Variants in UBE3C observed in about 807,000 individuals in gnomAD.
UBE3C encodes ubiquitin-protein ligase E3C.
UBE3C carries 42 observed loss-of-function variants against 129.4 expected under a neutral mutation model. The ratio of observed to expected loss-of-function variants is 0.32; its 90% CI spans 0.25 to 0.42. UBE3C has a LOEUF of 0.42. Ranked by LOEUF, UBE3C falls within the 10% of genes least tolerant of loss-of-function variation. UBE3C has a pLI of 1.00. For synonymous variants in UBE3C, 510 were observed against 492.4 expected, an observed-to-expected ratio of 1.04 and a Z score of -0.47; for missense variants, 1,049 against 1,319.1, an observed-to-expected ratio of 0.80 and a Z score of 3.17.
rs1211909558 is a variant in UBE3C at position 157,183,997 on chromosome 7, G to A, written c.1111G>A (p.Glu371Lys). The stretch of plus-strand genomic sequence containing the variant: ...CGACTCAGCCAGTGACTCTGAGGAG[G>A]AGAGTGAAGAAGCCGACAAGCCCTC... ...CHDSASDSEE[E>K]SEEADKPSSP... The change falls in exon 9 of 23, where the codon GAG becomes AAG. Residue 371 changes from glutamate (E) to lysine (K), a missense_variant. Coordinates refer to ENST00000348165, the MANE Select transcript of UBE3C (RefSeq NM_014671.3). The A allele has an allele frequency of 6.2e-7, 1 of 1,614,182 alleles. No individual in the cohort carries two copies. The highest frequency in any genetic ancestry group is 8.5e-7 in the Non-Finnish European group (1 of 1,180,034).
intron 6 of UBE3C, among the ~76,000 whole-genome samples, chr7:157,179,980 A>G (rs958076040): frequency 1.3e-5 from 2 of 152,228 alleles, no homozygotes; most frequent in African/African-American, 4.8e-5. Flanking sequence ...GTTAGTTGAC[A>G]TATATACTGT....
At position 157,223,459 on chromosome 7, in the gene UBE3C, C is replaced by T. The variant is rs568140410; in HGVS notation, c.2100+108C>T. On this transcript the variant is annotated intron_variant, in intron 16 of 22. Coordinates refer to ENST00000348165, the MANE Select transcript of UBE3C (RefSeq NM_014671.3). ...AAGGTGCCTAGTGCCTGGCTGATTA[C>T]ATAACATACTTTTCTCATTAGGCTG... The T allele has an allele frequency of 1.5e-5, 13 of 894,330 alleles. No individual in the cohort carries two copies. In the South Asian group the frequency reaches 1.7e-4, roughly 12 times the overall value. 55.4% of individuals were successfully genotyped at this position (894,330 alleles called of 1,614,324 possible). A position where few individuals can be genotyped will look rare whatever the true frequency, so the allele number is the denominator to read the frequency against.
In UBE3C at chr7:157,174,908, T is replaced by G. The variant is rs74965044; in HGVS notation, c.343-11T>G. The stretch of plus-strand genomic sequence containing the variant: ...ATTGAGAGTTGTATATTTTATGTTT[T>G]GCTGTTTCAGATATGGCTGTATCAG... On this transcript the variant is annotated splice_polypyrimidine_tract_variant and intron_variant, in intron 4 of 22. Coordinates refer to ENST00000348165, the MANE Select transcript of UBE3C (RefSeq NM_014671.3). 0.017 allele frequency: 26,673 copies of G among 1,569,188 alleles called. 305 individuals carry two copies. The highest frequency in any genetic ancestry group is 0.02 in the Non-Finnish European group (22,812 of 1,158,686).
intron 13 of UBE3C, among the ~76,000 whole-genome samples, chr7:157,211,167 G>GGGGAGAGAGAGAGAGAGAGA (rs1491521524): frequency 2.2e-5 from 3 of 137,082 alleles, no homozygotes; most frequent in Non-Finnish European, 3.1e-5. Flanking sequence ...CCATATGTCT[G>GGGGAGAGAGAGAGAGAGAGA]GAGAGAGAGA....
rs1432324091 is a variant in UBE3C at position 157,197,941 on chromosome 7, C to T, written c.1332-3780C>T. 3.1e-6 allele frequency: 5 copies of T among 1,608,606 alleles called. No individual in the cohort carries two copies. In the African/African-American group the frequency reaches 5.3e-5, roughly 17 times the overall value. On this transcript the variant is annotated intron_variant, in intron 10 of 22. Transcript: ENST00000348165. Reference sequence around the variant, plus strand: ...GGTGTAAGCCTTCCAAGTTTTTGCCCTTCTCCACTAAAAGCCTTGAACCTC... The same window carrying T: ...GGTGTAAGCCTTCCAAGTTTTTGCCTTTCTCCACTAAAAGCCTTGAACCTC...
intron 17 of UBE3C, 97 bp downstream of exon 17, chr7:157,225,636 G>A: frequency 7.4e-7 from 1 of 1,351,882 alleles, no homozygotes; most frequent in African/African-American, 1.5e-5. Flanking sequence ...CCATCATCTT[G>A]TTCCATAATG....
intron 14 of UBE3C, among the ~76,000 whole-genome samples, chr7:157,218,320 C>G (rs934536228): frequency 7.9e-5 from 12 of 151,920 alleles, no homozygotes; most frequent in Non-Finnish European, 1.8e-4. Context: ...TGGTGTGCGC[C>G]TATAGTCCCA....
intron 10 of UBE3C, chr7:157,197,703 A>G: frequency 6.2e-7 from 1 of 1,610,006 alleles, no homozygotes; most frequent in South Asian, 1.1e-5. Context: ...CACAAGAATA[A>G]AGTCAAGAGC....
intron 17 of UBE3C, among the ~76,000 whole-genome samples, chr7:157,225,822 GC>G (rs965606711): frequency 6.6e-6 from 1 of 152,058 alleles, no homozygotes; most frequent in African/African-American, 2.4e-5. Context: ...GTGTTAGCGT[GC>G]CCCTGTTGTC....
intron 11 of UBE3C, among the ~76,000 whole-genome samples, chr7:157,204,929 G>T (rs1454138616): frequency 6.6e-6 from 1 of 152,194 alleles, no homozygotes; most frequent in African/African-American, 2.4e-5. Context: ...AGGAGGAGTG[G>T]TTCCCACAGG....
chr7:157,182,246 A>G lies in UBE3C; in HGVS notation c.909A>G (p.Leu303=). ...AGCCCTTTCTGAATGCACTGTTGTT[A>G]ATAGAGAGTAGATGTTCAAGAAAGA... ...PYEPFLNALL[L]IESRCSRKSG... Residue 303 remains leucine (L), a synonymous_variant, in exon 8 of 23, where the codon TTA becomes TTG. Coordinates refer to ENST00000348165, the MANE Select transcript of UBE3C (RefSeq NM_014671.3). The G allele has an allele frequency of 6.2e-7, 1 of 1,614,206 alleles. No homozygotes were observed. Among genetic ancestry groups the G allele is most frequent in the Non-Finnish European group, 8.5e-7 (1 of 1,180,028 alleles).
chr7:157,215,126 T>C (rs191662963), intron 13 of UBE3C, among the ~76,000 whole-genome samples: 28 of 152,366 alleles, frequency 1.8e-4, no homozygotes, highest in Admixed American at 6.5e-4. Flanking sequence ...CCACCACTTA[T>C]AAAGGTGCAT....
chr7:157,190,652 A>G (rs1209309137), intron 10 of UBE3C, among the ~76,000 whole-genome samples: 2 of 152,156 alleles, frequency 1.3e-5, no homozygotes, highest in Admixed American at 1.3e-4. Flanking sequence ...ATGGTTTGCC[A>G]GCCTGACTTG....
At chr7:157,232,388 T>A (rs1796044929) in intron 18 of UBE3C, among the ~76,000 whole-genome samples, 1 of 152,216 alleles carries the variant, frequency 6.6e-6, no homozygotes, top group South Asian at 2.1e-4. Context: ...GAGTCTCTCC[T>A]TGCTCTGTTG....
At chr7:157,264,512 C>T (rs1797022225) in intron 22 of UBE3C, among the ~76,000 whole-genome samples, 1 of 139,458 alleles carries the variant, frequency 7.2e-6, no homozygotes, top group Non-Finnish European at 1.5e-5. Flanking sequence ...CATGCTCGGC[C>T]TGTTACACAC....
intron 18 of UBE3C, among the ~76,000 whole-genome samples, chr7:157,236,891 C>T (rs981502037): frequency 7.2e-5 from 11 of 151,876 alleles, no homozygotes; most frequent in African/African-American, 2.7e-4. Context: ...ACCACCATGC[C>T]CGGCTAATTT....
At chr7:157,203,579 C>T (rs910860647) in intron 11 of UBE3C, among the ~76,000 whole-genome samples, 6 of 152,196 alleles carry the variant, frequency 3.9e-5, no homozygotes, top group Middle Eastern at 3.4e-3. Context: ...CTGATAATTG[C>T]TTATTTGTTT....
At position 157,255,201 on chromosome 7, in the gene UBE3C, A is replaced by T. The variant is rs564358210; in HGVS notation, c.2950+891A>T. ...TAACATAGAAGATAGATAAATGGCC[A>T]GTAAGCAAATAAGCACACAATAACG... On this transcript the variant is annotated intron_variant, in intron 21 of 22. Coordinates refer to ENST00000348165, the MANE Select transcript of UBE3C (RefSeq NM_014671.3). 8.5e-5 allele frequency among the ~76,000 whole-genome samples: 13 copies of T among 152,346 alleles called. No homozygotes were observed. In the South Asian group the frequency reaches 2.7e-3, roughly 32 times the overall value.
chr7:157,182,360 A>G (rs1586669318), intron 8 of UBE3C, 32 bp downstream of exon 8: 1 of 1,604,094 alleles, frequency 6.2e-7, no homozygotes, highest in South Asian at 1.1e-5. Flanking sequence ...TTACCTGAAC[A>G]CACATATGGG....
Sources: gnomAD v4.1 joint callset for allele counts (sites outside exome capture counted in the v4.1 genomes callset) on GRCh38, gnomAD v4.1.1 for gene constraint, MANE v1.5 for transcripts, NCBI Gene and HGNC (gene_info 2026-07-23, HGNC 2026-07-21) for gene names.